PPP1R12C: variants seen among roughly 807,000 people sequenced by gnomAD.
PPP1R12C encodes protein phosphatase 1 regulatory subunit 12C.
A neutral mutation model predicts 95.6 loss-of-function variants in PPP1R12C; 48 were observed. The ratio of observed to expected loss-of-function variants is 0.50; its 90% CI spans 0.40 to 0.64. The LOEUF (loss-of-function observed/expected upper bound fraction) is 0.64, where lower values mean the gene tolerates loss of function less well. PPP1R12C is among the 30% of genes least tolerant of loss of function. PPP1R12C has a pLI of 0.00. For missense variants in PPP1R12C, 1,057 were observed against 1,083.3 expected, an observed-to-expected ratio of 0.98 and a Z score of 0.34; for synonymous variants, 480 against 460.8, an observed-to-expected ratio of 1.04 and a Z score of -0.53.
intron 3 of PPP1R12C, among the ~76,000 whole-genome samples, chr19:55,106,356 C>T (rs533302619): frequency 6.6e-6 from 1 of 152,348 alleles, no homozygotes; most frequent in South Asian, 2.1e-4. Flanking sequence ...AGTGGAACTG[C>T]TAGAACAAGG....
intron 17 of PPP1R12C, 33 bp from the exon 18 acceptor site, chr19:55,092,577 G>C (rs757623979): frequency 1.3e-6 from 2 of 1,566,634 alleles, no homozygotes; most frequent in Non-Finnish European, 1.7e-6. Context: ...GTCAGGGGCC[G>C]GCCCGGCCCG....
Position 55,092,283 on chromosome 19 carries a change from G to C in PPP1R12C, c.2099C>G (p.Ala700Gly). 1 of 1,599,120 alleles carries C rather than the reference G, an allele frequency of 6.3e-7. No homozygotes were observed. Among genetic ancestry groups the C allele is most frequent in the Non-Finnish European group, 8.5e-7 (1 of 1,173,382 alleles). Residue 700 changes from alanine (A) to glycine (G), a missense_variant, in exon 19 of 22, where the codon GCC becomes GGC. Ala to Gly is a moderately conservative substitution (Grantham distance 60). Transcript: ENST00000263433. ...CAGCCGCAGCGTGGTCTCGGTCAGG[G>C]CCTCGCGAAGCCGCTCGTTCTCCCT... is the stretch of plus-strand genomic sequence containing the variant. ...LRRENERLRE[A>G]LTETTLRLAQ... is the part of the protein sequence containing the mutation.
intron 1 of PPP1R12C, among the ~76,000 whole-genome samples, chr19:55,115,915 G>A (rs149282882): frequency 2.2e-4 from 33 of 152,296 alleles, no homozygotes; most frequent in Non-Finnish European, 5.9e-5. Context: ...ATAGGGGCCC[G>A]GGTTGGAGGA....
intron 6 of PPP1R12C, chr19:55,096,769 G>A (rs193025346): frequency 2.6e-5 from 6 of 232,948 alleles, no homozygotes; most frequent in Non-Finnish European, 4.0e-5. Flanking sequence ...GTTCACCACC[G>A]TCTTCGCCCC....
intron 3 of PPP1R12C, among the ~76,000 whole-genome samples, chr19:55,106,495 A>G (rs1329034337): frequency 1.3e-5 from 2 of 152,146 alleles, no homozygotes; most frequent in African/African-American, 4.8e-5. Context: ...GAGCTATCCA[A>G]TGGTCGATTC....
intron 1 of PPP1R12C, chr19:55,113,173 CCCT>C: frequency 2.1e-6 from 1 of 485,196 alleles, no homozygotes; most frequent in Non-Finnish European, 3.6e-6. Flanking sequence ...AGGTTCCAGC[CCCT>C]CCTCCTTCAG....
At chr19:55,106,911 G>A (rs117293801) in intron 3 of PPP1R12C, among the ~76,000 whole-genome samples, 10 of 152,314 alleles carry the variant, frequency 6.6e-5, no homozygotes, top group Non-Finnish European at 1.3e-4. Context: ...TCACGCACAG[G>A]GCAAGAGGTG....
intron 4 of PPP1R12C, 137 bp from the exon 5 acceptor site, chr19:55,099,232 G>C: frequency 9.7e-7 from 1 of 1,028,040 alleles, no homozygotes. Context: ...AAGAGCCACT[G>C]CCCAGCATCC....
intron 6 of PPP1R12C, among the ~76,000 whole-genome samples, chr19:55,097,215 T>C: frequency 8.9e-6 from 1 of 112,742 alleles, no homozygotes. Context: ...TTCACCACCG[T>C]CTTCACACCT....
chr19:55,097,289 T>A (rs1189638356), intron 6 of PPP1R12C, among the ~76,000 whole-genome samples: 1 of 97,438 alleles, frequency 1.0e-5, no homozygotes, highest in Non-Finnish European at 2.0e-5. Flanking sequence ...ACCACCGTCT[T>A]CACCCCTTCC....
chr19:55,091,352 G>GC lies in PPP1R12C; in HGVS notation c.*119_*120insG. On this transcript the variant is annotated 3_prime_UTR_variant, in exon 22 of 22. Coordinates refer to ENST00000263433, the MANE Select transcript of PPP1R12C (RefSeq NM_017607.4). ...CTCCCCTCCCAGTCCGGAGGTCCCA[G>GC]GGGGGCTATGGCTTCTCTGAGACTT... 9.3e-7 allele frequency: 1 copy of GC among 1,079,488 alleles called. No homozygotes were observed. The highest frequency in any genetic ancestry group is 1.5e-5 in the South Asian group (1 of 66,410). The allele number at this position is 1,079,488 out of a possible 1,614,324, so 66.9% of individuals were successfully genotyped here.
intron 19 of PPP1R12C, 47 bp from the exon 20 acceptor site, chr19:55,091,956 C>T (rs1462321859): frequency 6.2e-7 from 1 of 1,607,804 alleles, no homozygotes; most frequent in South Asian, 1.1e-5. Context: ...GAAGCCAGCA[C>T]TGCTCTGAAG....
chr19:55,112,959 G>A (rs1048011936), intron 1 of PPP1R12C, 164 bp from the exon 2 acceptor site: 1 of 1,004,652 alleles, frequency 1.0e-6, no homozygotes, highest in Non-Finnish European at 1.4e-6. Context: ...AGATACGCCT[G>A]GTTGCCCAGT....
Position 55,092,338 on chromosome 19 carries a change from G to A in PPP1R12C, c.2056-12C>T. ...AGCTCTGCATACAGCTGGGGGTCAG[G>A]TAGAGGAGGGTCAGGTGGAGGATGG... On this transcript the variant is annotated splice_polypyrimidine_tract_variant and intron_variant, in intron 18 of 21. Coordinates refer to ENST00000263433, the MANE Select transcript of PPP1R12C (RefSeq NM_017607.4). 1 of 1,575,654 alleles carries A rather than the reference G, an allele frequency of 6.3e-7. No homozygotes were observed.
rs35207330 is a variant in PPP1R12C at position 55,103,995 on chromosome 19, C to CAAAA, written c.572-431_572-428dup. Among the ~76,000 whole-genome samples, 296 of 118,670 alleles carry CAAAA rather than the reference C, an allele frequency of 2.5e-3. 3 individuals are homozygous for CAAAA. Among genetic ancestry groups the CAAAA allele is most frequent in the South Asian group, 6.1e-3 (21 of 3,468 alleles). The allele number at this position is 118,670 out of a possible 152,430, so 77.9% of individuals were successfully genotyped here. On this transcript the variant is annotated intron_variant, in intron 3 of 21. Coordinates refer to ENST00000263433, the MANE Select transcript of PPP1R12C (RefSeq NM_017607.4). ...TGAAACCCCATCTCTACTAAAACTA[C>CAAAA]AAAAAAAAAAAAAAAAATTTAGCCA... is the stretch of plus-strand genomic sequence containing the variant.
chr19:55,096,150 C>T lies in PPP1R12C; in HGVS notation c.1054G>A (p.Glu352Lys), dbSNP rs777322752. 2.5e-6 allele frequency: 4 copies of T among 1,600,160 alleles called. No individual in the cohort carries two copies. The highest frequency in any genetic ancestry group is 1.3e-5 in the African/African-American group (1 of 74,342). ...RSSVCRLSSR[E>K]KISLQDLSKE... ...GACAAGTCCTGGAGGGAAATCTTCT[C>T]GCGACTGCTCAGACGACACACAGAG... Residue 352 changes from glutamate (E) to lysine (K), a missense_variant, in exon 8 of 22, where the codon GAG (glutamate) becomes AAG (lysine). Coordinates refer to ENST00000263433, the MANE Select transcript of PPP1R12C (RefSeq NM_017607.4).
Position 55,092,441 on chromosome 19 carries a change from C to G in PPP1R12C, c.2055+1G>C. The G allele has an allele frequency of 6.2e-7, 1 of 1,606,144 alleles. No homozygotes were observed. The highest frequency in any genetic ancestry group is 8.5e-7 in the Non-Finnish European group (1 of 1,176,836). ...GCCCCGACGGAGGGGTGGGATCGCA[C>G]CGTCCTAAAGCCTCCGTCTGGCTCT... On this transcript the variant is annotated splice_donor_variant, in intron 18 of 21. Coordinates refer to ENST00000263433, the MANE Select transcript of PPP1R12C (RefSeq NM_017607.4). LOFTEE classifies it high-confidence loss of function.
intron 3 of PPP1R12C, chr19:55,111,758 C>T (rs2085098213): frequency 6.6e-6 from 1 of 152,298 alleles, no homozygotes; most frequent in African/African-American, 2.4e-5. Context: ...CCTTCCACTC[C>T]AACCCAGCCA....
chr19:55,116,186 A>C (rs1258575481), intron 1 of PPP1R12C, among the ~76,000 whole-genome samples: 1 of 152,146 alleles, frequency 6.6e-6, no homozygotes, highest in East Asian at 1.9e-4. Flanking sequence ...GGGAGGCGGG[A>C]CGCAAGGGAG....
Sources: allele counts gnomAD v4.1 joint callset (sites outside exome capture counted in the v4.1 genomes callset), GRCh38; gene constraint gnomAD v4.1.1; transcripts MANE v1.5; gene names NCBI Gene and HGNC (gene_info 2026-07-23, HGNC 2026-07-21).